The following ZNF30 variants were observed in gnomAD, a reference collection of about 807,000 sequenced individuals.
The protein encoded by ZNF30 is zinc finger protein 30, also known as zinc finger protein 30 (KOX 28).
Under a neutral mutation model 13.2 loss-of-function variants are expected in ZNF30, and 15 were observed. The observed-to-expected ratio is 1.13, with a 90% CI of 0.76 to 1.75. ZNF30 has a LOEUF of 1.75. Among genes scored for constraint, ZNF30 ranks in the 40% most tolerant of loss-of-function variants. The pLI is 0.00. For missense variants in ZNF30, 726 were observed against 757.0 expected (o/e 0.96, Z 0.48); for synonymous variants, 223 against 256.6 (o/e 0.87, Z 1.25).
intron 4 of ZNF30, among the ~76,000 whole-genome samples, 157 bp downstream of exon 4, chr19:34,933,880 A>C (rs1445937373): frequency 6.6e-6 from 1 of 152,118 alleles, no homozygotes; most frequent in Non-Finnish European, 1.5e-5. Context: ...TAAATATCTC[A>C]CCAGCCTCAC....
chr19:34,931,094 G>A (rs1418510449), intron 2 of ZNF30, among the ~76,000 whole-genome samples: 1 of 140,730 alleles, frequency 7.1e-6, no homozygotes, highest in African/African-American at 2.7e-5. Context: ...CTAGAGTACA[G>A]TGGCACAATT....
Position 34,944,372 on chromosome 19 carries a change from T to C in ZNF30, c.1406T>C (p.Val469Ala). 1 of 1,613,768 alleles carries C rather than the reference T, an allele frequency of 6.2e-7. No homozygotes were observed. Among genetic ancestry groups the C allele is most frequent in the Non-Finnish European group, 8.5e-7 (1 of 1,179,944 alleles). Reference sequence around the variant, plus strand: ...TGTGGCAAGGCCTTCAGAGTGCACGTACATCTCACACAGCATCGGAAAATT... The same window carrying C: ...TGTGGCAAGGCCTTCAGAGTGCACGCACATCTCACACAGCATCGGAAAATT... ...KECGKAFRVH[V>A]HLTQHRKIHT... The change falls in exon 5 of 5, where the codon GTA becomes GCA. Residue 469 changes from valine (V) to alanine (A), a missense_variant. Coordinates refer to ENST00000601142, the MANE Select transcript of ZNF30 (RefSeq NM_194325.3).
chr19:34,928,300 A>G (rs2012237824), intron 1 of ZNF30, among the ~76,000 whole-genome samples: 1 of 147,414 alleles, frequency 6.8e-6, no homozygotes. Flanking sequence ...AGTGGAAACA[A>G]GTGTTTAATT....
chr19:34,937,837 C>CA (rs1424144455), intron 4 of ZNF30, among the ~76,000 whole-genome samples: 1 of 152,110 alleles, frequency 6.6e-6, no homozygotes, highest in Non-Finnish European at 1.5e-5. Context: ...CCCACTCTGT[C>CA]ACCCAGGCTA....
At position 34,943,510 on chromosome 19, in the gene ZNF30, G is replaced by A. The variant is rs766573185; in HGVS notation, c.544G>A (p.Gly182Arg). The A allele has an allele frequency of 5.0e-6, 8 of 1,613,606 alleles. No homozygotes were observed. The East Asian group carries it at 1.3e-4, about 27-fold the overall frequency. The change falls in exon 5 of 5, where the codon GGG (glycine) becomes AGG (arginine). Residue 182 changes from glycine to arginine, a missense_variant. Physicochemically the swap from Gly to Arg is moderately radical, Grantham distance 125. Coordinates refer to ENST00000601142, the MANE Select transcript of ZNF30 (RefSeq NM_194325.3). ...GAAACCCTATAAATATGAAAAATGT[G>A]GGAAGGCCTTTATCAGTGGCTCAGC... is the stretch of plus-strand genomic sequence containing the variant. ...GEKPYKYEKC[G>R]KAFISGSAFV...
intron 3 of ZNF30, among the ~76,000 whole-genome samples, chr19:34,933,414 T>G (rs1346317053): frequency 1.3e-5 from 2 of 152,128 alleles, no homozygotes; most frequent in East Asian, 3.9e-4. Context: ...GATCGCACAC[T>G]GCACTGCAGC....
At chr19:34,939,054 T>A (rs2012887700) in intron 4 of ZNF30, among the ~76,000 whole-genome samples, 1 of 151,046 alleles carries the variant, frequency 6.6e-6, no homozygotes, top group Admixed American at 6.6e-5. Context: ...AAGCTCAGAG[T>A]ATGGAGCTGC....
chr19:34,925,466 T>C (rs1226501880), upstream of ZNF30, among the ~76,000 whole-genome samples: 2 of 152,180 alleles, frequency 1.3e-5, no homozygotes, highest in African/African-American at 4.8e-5. Context: ...TCCGCGTCCT[T>C]CTGGTGGGTG....
chr19:34,934,926 A>G (rs2012643141), intron 4 of ZNF30, among the ~76,000 whole-genome samples: 1 of 152,150 alleles, frequency 6.6e-6, no homozygotes, highest in East Asian at 1.9e-4. Flanking sequence ...AACTTAAAGT[A>G]AAATAAAAAA....
intron 4 of ZNF30, among the ~76,000 whole-genome samples, chr19:34,937,913 A>T (rs546287259): frequency 6.6e-6 from 1 of 152,224 alleles, no homozygotes; most frequent in East Asian, 1.9e-4. Flanking sequence ...ATTCTGCCTC[A>T]GCCTCTTGAG....
intron 4 of ZNF30, among the ~76,000 whole-genome samples, chr19:34,937,464 C>G (rs2012802346): frequency 6.6e-6 from 1 of 152,128 alleles, no homozygotes; most frequent in African/African-American, 2.4e-5. Flanking sequence ...GACACAGTGG[C>G]TTATTCCTAT....
intron 4 of ZNF30, among the ~76,000 whole-genome samples, chr19:34,935,105 C>G (rs1217015431): frequency 2.0e-5 from 3 of 151,888 alleles, no homozygotes; most frequent in Non-Finnish European, 4.4e-5. Context: ...GTGGCGGGCG[C>G]CTGTGGTCCC....
At chr19:34,928,500 AT>A (rs2012249483) in intron 1 of ZNF30, among the ~76,000 whole-genome samples, 1 of 151,956 alleles carries the variant, frequency 6.6e-6, no homozygotes, top group Non-Finnish European at 1.5e-5. Context: ...ACAGTATGCT[AT>A]TATAGTTGTT....
At chr19:34,926,771 C>G (rs1237567695), upstream of ZNF30, 1 of 395,384 alleles carries the variant, frequency 2.5e-6, no homozygotes, top group East Asian at 3.6e-5. Context: ...AGAAGCTGGC[C>G]ACCTACTTCG....
In ZNF30 at chr19:34,940,667, CAAAAAAAAAA is replaced by C. The variant is rs59553578; in HGVS notation, c.257-2540_257-2531del. On this transcript the variant is annotated intron_variant, in intron 4 of 4. Transcript: ENST00000601142. ...TGGGCAACAGAGTGAGACTCCGTCTCAAAAAAAAAAAAAAAAAAAAAAAAATAGAATATCA... is the reference window on the plus strand; with the variant it reads ...TGGGCAACAGAGTGAGACTCCGTCTCAAAAAAAAAAAAAAATAGAATATCA... Among the ~76,000 whole-genome samples, 8 of 63,916 alleles carry C rather than the reference CAAAAAAAAAA, an allele frequency of 1.3e-4. No homozygotes were observed. In the South Asian group the frequency reaches 2.4e-3, roughly 19 times the overall value. The allele number at this position is 63,916 out of a possible 152,430, so 41.9% of individuals were successfully genotyped here.
At chr19:34,940,134 G>T (rs1194018549) in intron 4 of ZNF30, among the ~76,000 whole-genome samples, 2 of 152,088 alleles carry the variant, frequency 1.3e-5, no homozygotes, top group Non-Finnish European at 2.9e-5. Context: ...GACCCCATGG[G>T]CCCTGATAGA....
At chr19:34,935,816 A>G (rs1007000621) in intron 4 of ZNF30, among the ~76,000 whole-genome samples, 2 of 147,086 alleles carry the variant, frequency 1.4e-5, no homozygotes, top group African/African-American at 2.5e-5. Flanking sequence ...GTGGTAGTCC[A>G]TTTTCACGCT....
chr19:34,928,832 A>G (rs892880446), intron 1 of ZNF30, among the ~76,000 whole-genome samples: 1 of 152,106 alleles, frequency 6.6e-6, no homozygotes, highest in African/African-American at 2.4e-5. Flanking sequence ...ACAAACAGAA[A>G]AATAAAAATC....
At chr19:34,942,420 C>A (rs1263118251) in intron 4 of ZNF30, among the ~76,000 whole-genome samples, 1 of 148,388 alleles carries the variant, frequency 6.7e-6, no homozygotes, top group Admixed American at 6.8e-5. Flanking sequence ...GCACTCCAGC[C>A]GGGGCAAGAG....
Sources: gnomAD v4.1 joint callset for allele counts (sites outside exome capture counted in the v4.1 genomes callset) on GRCh38, gnomAD v4.1.1 for gene constraint, MANE v1.5 for transcripts, NCBI Gene and HGNC (gene_info 2026-07-23, HGNC 2026-07-21) for gene names.